ARHGEF6: variants seen among roughly 807,000 people sequenced by gnomAD.
The protein encoded by ARHGEF6 is Rac/Cdc42 guanine nucleotide exchange factor 6.
A neutral mutation model predicts 70.3 loss-of-function variants in ARHGEF6; 9 were observed. That is an observed-to-expected ratio of 0.13 (90% confidence interval 0.08 to 0.22). ARHGEF6 has a LOEUF of 0.22. ARHGEF6 is among the 10% of genes least tolerant of loss of function. The pLI, the probability that ARHGEF6 is intolerant of heterozygous loss-of-function variation, is 1.00. For synonymous variants in ARHGEF6, 201 were observed against 207.8 expected (o/e 0.97, Z 0.28); for missense variants, 470 against 563.0 (o/e 0.83, Z 1.67).
chrX:136,727,385 CTTTCTTTCTT>C lies in ARHGEF6; in HGVS notation c.732+4707_732+4716del, dbSNP rs1317389784. Reference sequence around the variant, plus strand: ...TCTTTCTTTCTTTCTTTCTTTCTTTCTTTCTTTCTTTCTCTCTCTCTCTCTCTCTTTCTTT... The same window carrying C: ...TCTTTCTTTCTTTCTTTCTTTCTTTCTCTCTCTCTCTCTCTCTCTTTCTTT... On this transcript the variant is annotated intron_variant, in intron 6 of 21. Transcript: ENST00000250617. 2.8e-3 allele frequency among the ~76,000 whole-genome samples: 204 copies of C among 73,655 alleles called. 2 individuals are homozygous for C. The highest frequency in any genetic ancestry group is 0.013 in the Middle Eastern group (2 of 149). 64.0% of individuals were successfully genotyped at this position (73,655 alleles called of 115,157 possible). A position where few individuals can be genotyped will look rare whatever the true frequency, so the allele number is the denominator to read the frequency against.
Position 136,690,592 on chromosome X carries a change from A to C in ARHGEF6, c.1185+18T>G. 8.3e-7 allele frequency: 1 copy of C among 1,210,507 alleles called. No individual in the cohort carries two copies. Among genetic ancestry groups the C allele is most frequent in the Non-Finnish European group, 1.1e-6 (1 of 894,890 alleles). ...CCATACTTGGCACACGAGCTTGAAA[A>C]AGTTCACCTTCCCTTACCTCCATAT... On this transcript the variant is annotated intron_variant, in intron 10 of 21. Transcript: ENST00000250617.
At chrX:136,726,297 C>T (rs190892794) in intron 6 of ARHGEF6, among the ~76,000 whole-genome samples, 2 of 111,780 alleles carry the variant, frequency 1.8e-5, no homozygotes, top group South Asian at 3.7e-4. Flanking sequence ...CAGCACTACT[C>T]CCCATTATCC....
At chrX:136,773,959 G>C (rs1255704663) in intron 2 of ARHGEF6, 1 of 111,611 alleles carries the variant, frequency 9.0e-6, no homozygotes, top group Non-Finnish European at 1.9e-5. Flanking sequence ...TTTAAGAAGA[G>C]AGAAAATTAA....
intron 6 of ARHGEF6, among the ~76,000 whole-genome samples, chrX:136,727,325 TTTTCTTTC>T (rs745840487): frequency 0.055 from 3,310 of 59,807 alleles, 185 homozygotes; most frequent in Non-Finnish European, 0.084. Flanking sequence ...CTTTCTTTCT[TTTTCTTTC>T]TTTCTTTCTT....
intron 19 of ARHGEF6, 105 bp from the exon 20 acceptor site, chrX:136,672,224 T>G: frequency 1.5e-6 from 1 of 650,421 alleles, no homozygotes; most frequent in East Asian, 3.3e-5. Context: ...AGGGTCTTTG[T>G]TCATAGCATG....
chrX:136,711,752 G>C (rs1343621118), intron 7 of ARHGEF6, among the ~76,000 whole-genome samples: 1 of 110,909 alleles, frequency 9.0e-6, no homozygotes, highest in Non-Finnish European at 1.9e-5. Flanking sequence ...GTAGAGATGG[G>C]GTTTCGCCAT....
chrX:136,774,667 AG>A (rs2077389822), intron 2 of ARHGEF6, among the ~76,000 whole-genome samples: 2 of 100,704 alleles, frequency 2.0e-5, no homozygotes, highest in East Asian at 3.0e-4. Context: ...AAAAAAAAAA[AG>A]GAATAAAAAA....
intron 2 of ARHGEF6, among the ~76,000 whole-genome samples, chrX:136,752,468 C>T (rs749873502): frequency 8.9e-6 from 1 of 112,359 alleles, no homozygotes; most frequent in Admixed American, 9.4e-5. Context: ...ATCTGTGCCA[C>T]GTGCAATGAC....
intron 20 of ARHGEF6, among the ~76,000 whole-genome samples, chrX:136,670,438 T>C (rs901416183): frequency 1.8e-5 from 2 of 111,486 alleles, no homozygotes; most frequent in East Asian, 5.6e-4. Flanking sequence ...CTGGGGTTGG[T>C]TGAATCCACA....
At chrX:136,737,147 T>G (rs891537680) in intron 5 of ARHGEF6, among the ~76,000 whole-genome samples, 7 of 111,741 alleles carry the variant, frequency 6.3e-5, no homozygotes, top group African/African-American at 2.3e-4. Flanking sequence ...TGATTGAACT[T>G]TATAAATGGC....
chrX:136,679,358 A>G (rs1446566440), intron 16 of ARHGEF6, among the ~76,000 whole-genome samples, 177 bp downstream of exon 16: 2 of 112,362 alleles, frequency 1.8e-5, no homozygotes, highest in Non-Finnish European at 3.8e-5. Context: ...ATATTTGCAG[A>G]TGGACAATGG....
chrX:136,703,542 G>A (rs942827159), intron 9 of ARHGEF6, among the ~76,000 whole-genome samples: 2 of 111,838 alleles, frequency 1.8e-5, no homozygotes, highest in Non-Finnish European at 3.8e-5. Flanking sequence ...TTTTTCCTGA[G>A]ACGGAGTTTC....
chrX:136,739,958 C>T (rs1046815462), intron 5 of ARHGEF6, among the ~76,000 whole-genome samples: 1 of 111,401 alleles, frequency 9.0e-6, no homozygotes, highest in African/African-American at 3.3e-5. Flanking sequence ...TTGTGATGGC[C>T]TTGGCCTTTT....
intron 11 of ARHGEF6, among the ~76,000 whole-genome samples, chrX:136,687,062 G>GA (rs1206567646): frequency 9.1e-6 from 1 of 110,478 alleles, no homozygotes; most frequent in African/African-American, 3.3e-5. Context: ...ATTTATACAA[G>GA]AAAAAATAGA....
At chrX:136,737,524 A>G (rs966930952) in intron 5 of ARHGEF6, 17 of 738,512 alleles carry the variant, frequency 2.3e-5, no homozygotes, top group Non-Finnish European at 2.5e-5. Context: ...TTAAAGACAA[A>G]TTTTCCTAAG....
chrX:136,673,824 C>T (rs953091092), intron 19 of ARHGEF6, among the ~76,000 whole-genome samples: 1 of 110,822 alleles, frequency 9.0e-6, no homozygotes, highest in Non-Finnish European at 1.9e-5. Context: ...TGCTTTCTTT[C>T]TCTCTCTCTT....
intron 12 of ARHGEF6, among the ~76,000 whole-genome samples, chrX:136,684,377 G>C (rs1203546932): frequency 1.8e-5 from 2 of 112,318 alleles, no homozygotes; most frequent in Non-Finnish European, 3.8e-5. Flanking sequence ...CATTTTAAAT[G>C]AGATTGCTTA....
chrX:136,761,800 T>C (rs1381784310), intron 2 of ARHGEF6, among the ~76,000 whole-genome samples: 2 of 112,372 alleles, frequency 1.8e-5, no homozygotes, highest in African/African-American at 3.2e-5. Flanking sequence ...AGAGAGAAAA[T>C]GGCTGGATTT....
At chrX:136,721,554 C>A (rs1375199245) in intron 6 of ARHGEF6, among the ~76,000 whole-genome samples, 1 of 111,327 alleles carries the variant, frequency 9.0e-6, no homozygotes, top group Non-Finnish European at 1.9e-5. Context: ...CAGAGCAAGA[C>A]CCTGTCTCAA....
Sources: allele counts gnomAD v4.1 joint callset (sites outside exome capture counted in the v4.1 genomes callset), GRCh38; gene constraint gnomAD v4.1.1; transcripts MANE v1.5; gene names NCBI Gene and HGNC (gene_info 2026-07-23, HGNC 2026-07-21).